RPS6KA6: variants seen among roughly 807,000 people sequenced by gnomAD.
The protein encoded by RPS6KA6 is ribosomal protein S6 kinase A6.
RPS6KA6 carries 27 observed loss-of-function variants against 65.4 expected under a neutral mutation model. The ratio of observed to expected loss-of-function variants is 0.41; its 90% CI spans 0.30 to 0.57. The LOEUF is 0.57. Ranked by LOEUF, RPS6KA6 falls within the 20% of genes least tolerant of loss-of-function variation. The pLI, the probability that RPS6KA6 is intolerant of heterozygous loss-of-function variation, is 0.24. For synonymous variants in RPS6KA6, 190 were observed against 184.2 expected (o/e 1.03, Z -0.26); for missense variants, 486 against 555.6 (o/e 0.87, Z 1.26).
chrX:84,157,654 C>A (rs1041961117), intron 2 of RPS6KA6, among the ~76,000 whole-genome samples: 1 of 110,361 alleles, frequency 9.1e-6, no homozygotes, highest in South Asian at 3.8e-4. Context: ...TCTCTAAGGT[C>A]CCCTCAATGT....
chrX:84,087,362 C>T (rs1268653165), intron 20 of RPS6KA6, among the ~76,000 whole-genome samples: 5 of 111,234 alleles, frequency 4.5e-5, no homozygotes, highest in Admixed American at 9.6e-5. Context: ...GTGAAGAATT[C>T]CCTAAGCATT....
At chrX:84,080,115 C>A (rs1307434363) in intron 20 of RPS6KA6, among the ~76,000 whole-genome samples, 1 of 108,862 alleles carries the variant, frequency 9.2e-6, no homozygotes, top group Non-Finnish European at 1.9e-5. Context: ...ACACCTCATA[C>A]AGGAGAGCTC....
chrX:84,110,776 T>C (rs1304919057), intron 12 of RPS6KA6, among the ~76,000 whole-genome samples: 1 of 110,773 alleles, frequency 9.0e-6, no homozygotes, highest in Non-Finnish European at 1.9e-5. Flanking sequence ...ACATAAGAAC[T>C]TCAGGACTAC....
intron 20 of RPS6KA6, among the ~76,000 whole-genome samples, chrX:84,089,913 T>C (rs1419766980): frequency 8.9e-6 from 1 of 112,346 alleles, no homozygotes; most frequent in Non-Finnish European, 1.9e-5. Context: ...CCCCTCTCAA[T>C]GTACTCAGGT....
chrX:84,117,404 C>G lies in RPS6KA6; in HGVS notation c.840G>C (p.Glu280Asp). 8.7e-7 allele frequency: 1 copy of G among 1,154,199 alleles called. No homozygotes were observed. Among genetic ancestry groups the G allele is most frequent in the African/African-American group, 1.8e-5 (1 of 55,899 alleles). The change falls in exon 10 of 22, where the codon GAG (glutamate) becomes GAC (aspartate). Residue 280 changes from glutamate to aspartate, a missense_variant. Coordinates refer to ENST00000262752, the MANE Select transcript of RPS6KA6 (RefSeq NM_014496.5). Reference sequence around the variant, plus strand: ...CTTACTTTAATATCATATTCATGGTCTCATTTCTGTCTTTACCTTGAAATG... The same window carrying G: ...CTTACTTTAATATCATATTCATGGTGTCATTTCTGTCTTTACCTTGAAATG... ...TLPFQGKDRN[E>D]TMNMILKAKL...
intron 18 of RPS6KA6, among the ~76,000 whole-genome samples, chrX:84,100,235 C>T (rs1182889119): frequency 9.0e-6 from 1 of 110,519 alleles, no homozygotes; most frequent in Non-Finnish European, 1.9e-5. Context: ...TCTCCAGATG[C>T]CCACCTGAAA....
At chrX:84,077,568 T>C (rs1430228826) in intron 20 of RPS6KA6, among the ~76,000 whole-genome samples, 6 of 111,769 alleles carry the variant, frequency 5.4e-5, no homozygotes, top group Non-Finnish European at 1.1e-4. Context: ...AAAAATGAAC[T>C]TTGACCATAT....
intron 18 of RPS6KA6, among the ~76,000 whole-genome samples, chrX:84,098,932 A>T (rs2034208193): frequency 9.0e-6 from 1 of 111,433 alleles, no homozygotes; most frequent in Non-Finnish European, 1.9e-5. Context: ...CACTCATATC[A>T]TGGTAAATGT....
chrX:84,074,328 A>G (rs1333686720), intron 20 of RPS6KA6, among the ~76,000 whole-genome samples: 2 of 111,822 alleles, frequency 1.8e-5, no homozygotes, highest in Non-Finnish European at 3.8e-5. Context: ...ATAGAGGTAC[A>G]GAGTAGAACA....
chrX:84,097,756 AAT>A lies in RPS6KA6; in HGVS notation c.1853+14_1853+15del, dbSNP rs773504777. On this transcript the variant is annotated intron_variant, in intron 19 of 21. Transcript: ENST00000262752. ...TCAAATAACAATGTTAATGCTTTTG[AAT>A]ATATGTTTCTTACCCAGCCAACATT... The A allele has an allele frequency of 1.8e-5, 19 of 1,072,127 alleles. No individual in the cohort carries two copies. The South Asian group carries it at 2.9e-4, about 17-fold the overall frequency. The allele number at this position is 1,072,127 out of a possible 1,213,427, so 88.4% of individuals were successfully genotyped here.
At chrX:84,171,013 G>A (rs891906006) in intron 1 of RPS6KA6, among the ~76,000 whole-genome samples, 2 of 111,491 alleles carry the variant, frequency 1.8e-5, no homozygotes, top group Non-Finnish European at 3.8e-5. Context: ...CAGCCTCTAG[G>A]AGTTGAAAGC....
At chrX:84,174,681 G>A (rs978574271) in intron 1 of RPS6KA6, among the ~76,000 whole-genome samples, 2 of 111,604 alleles carry the variant, frequency 1.8e-5, no homozygotes, top group African/African-American at 3.3e-5. Context: ...AAGACTCAAC[G>A]TTAACACTTT....
At chrX:84,080,775 G>A (rs2033779221) in intron 20 of RPS6KA6, among the ~76,000 whole-genome samples, 1 of 110,642 alleles carries the variant, frequency 9.0e-6, no homozygotes, top group South Asian at 3.8e-4. Context: ...ATAACAAACA[G>A]TCTCTAGGAA....
chrX:84,069,251 A>G (rs940592972), intron 20 of RPS6KA6, among the ~76,000 whole-genome samples: 1 of 111,749 alleles, frequency 8.9e-6, no homozygotes, highest in Non-Finnish European at 1.9e-5. Context: ...GGCCTCAGCA[A>G]TAACACCAAA....
intron 8 of RPS6KA6, among the ~76,000 whole-genome samples, chrX:84,129,624 A>G (rs2034859208): frequency 8.9e-6 from 1 of 111,862 alleles, no homozygotes; most frequent in Non-Finnish European, 1.9e-5. Context: ...CAAATGGATA[A>G]AGAAAATGTG....
In RPS6KA6 at chrX:84,110,685, G is replaced by A. The variant is rs142839597; in HGVS notation, c.1009-2960C>T. ...TACAGTCACACCCCCCAAGAGGGGC[G>A]GCGGCAGGGGGTGAACCACGTCCAC... On this transcript the variant is annotated intron_variant, in intron 12 of 21. Transcript: ENST00000262752. Among the ~76,000 whole-genome samples, 785 of 111,294 alleles carry A rather than the reference G, an allele frequency of 7.1e-3. 3 individuals carry two copies. Among genetic ancestry groups the A allele is most frequent in the East Asian group, 0.056 (197 of 3,533 alleles).
Position 84,145,463 on chromosome X carries a change from T to C in RPS6KA6, c.501+15A>G. On this transcript the variant is annotated intron_variant, in intron 6 of 21. Coordinates refer to ENST00000262752, the MANE Select transcript of RPS6KA6 (RefSeq NM_014496.5). ...TTGTTTTAAGAAAATACAGTAAAAA[T>C]GTACAGATACTTACCTCTTTGGATA... 2 of 1,034,790 alleles carry C rather than the reference T, an allele frequency of 1.9e-6. No homozygotes were observed. Among genetic ancestry groups the C allele is most frequent in the East Asian group, 3.2e-5 (1 of 30,982 alleles). 85.3% of individuals were successfully genotyped at this position (1,034,790 alleles called of 1,213,427 possible).
chrX:84,124,881 T>A (rs2034748137), intron 8 of RPS6KA6, among the ~76,000 whole-genome samples: 1 of 111,821 alleles, frequency 8.9e-6, no homozygotes, highest in African/African-American at 3.3e-5. Context: ...CTCCAAAAGT[T>A]CATTGATAAA....
intron 8 of RPS6KA6, among the ~76,000 whole-genome samples, chrX:84,127,384 A>G (rs973338393): frequency 1.8e-5 from 2 of 111,241 alleles, no homozygotes; most frequent in African/African-American, 6.5e-5. Context: ...ACACTCCTCC[A>G]AACATTTAAA....
Sources: allele counts gnomAD v4.1 joint callset (sites outside exome capture counted in the v4.1 genomes callset), GRCh38; gene constraint gnomAD v4.1.1; transcripts MANE v1.5; gene names NCBI Gene and HGNC (gene_info 2026-07-23, HGNC 2026-07-21).